GCLM: variants seen among roughly 807,000 people sequenced by gnomAD.
The protein encoded by GCLM is glutamate--cysteine ligase regulatory subunit.
A neutral mutation model predicts 36.0 loss-of-function variants in GCLM; 15 were observed. The ratio of observed to expected loss-of-function variants is 0.42; its 90% CI spans 0.28 to 0.64. GCLM has a LOEUF of 0.64. GCLM is among the 30% of genes least tolerant of loss of function. The pLI is 0.25. For missense variants in GCLM, 242 were observed against 325.5 expected, an observed-to-expected ratio of 0.74 and a Z score of 1.97; for synonymous variants, 129 against 122.8, an observed-to-expected ratio of 1.05 and a Z score of -0.34.
Position 93,889,230 on chromosome 1 carries a change from G to C in GCLM, c.656-71C>G, listed in dbSNP as rs895810101. 1.4e-5 allele frequency: 14 copies of C among 1,012,756 alleles called. No homozygotes were observed. In the African/African-American group the frequency reaches 2.3e-4, roughly 17 times the overall value. The allele number at this position is 1,012,756 out of a possible 1,614,324, so 62.7% of individuals were successfully genotyped here. A position where few individuals can be genotyped will look rare whatever the true frequency, so the allele number is the denominator to read the frequency against. On this transcript the variant is annotated intron_variant, in intron 6 of 6. Transcript: ENST00000370238. ...AAACAAAAAAGCACTTTAGTATGTA[G>C]GTAAGCATTTAACATAACAAAAGAA...
Position 93,888,969 on chromosome 1 carries a change from T to TA in GCLM, c.*20dup. On this transcript the variant is annotated 3_prime_UTR_variant, in exon 7 of 7. Coordinates refer to ENST00000370238, the MANE Select transcript of GCLM (RefSeq NM_002061.4). The stretch of plus-strand genomic sequence containing the variant: ...CTCTCATATTGAAGGAAATTACAGG[T>TA]AAGTTATGCTCCTAAGTCAGTTAAG... 1 of 1,497,250 alleles carries TA rather than the reference T, an allele frequency of 6.7e-7. No individual in the cohort carries two copies. The highest frequency in any genetic ancestry group is 9.0e-7 in the Non-Finnish European group (1 of 1,115,930). The allele number at this position is 1,497,250 out of a possible 1,614,324, so 92.7% of individuals were successfully genotyped here. A position where few individuals can be genotyped will look rare whatever the true frequency, so the allele number is the denominator to read the frequency against.
chr1:93,906,934 T>G (rs1657164542), intron 1 of GCLM, among the ~76,000 whole-genome samples: 2 of 152,160 alleles, frequency 1.3e-5, no homozygotes, highest in Admixed American at 1.3e-4. Flanking sequence ...ACTATTTGAT[T>G]TCATAAAATT....
chr1:93,901,098 C>G (rs1656931904), intron 3 of GCLM, among the ~76,000 whole-genome samples: 1 of 152,164 alleles, frequency 6.6e-6, no homozygotes, highest in Non-Finnish European at 1.5e-5. Context: ...GAGTATAGTA[C>G]AGTTTCTGGA....
Position 93,897,889 on chromosome 1 carries a change from A to T in GCLM, c.287T>A (p.Phe96Tyr). ...REEMKVSAKL[F>Y]IVESNSSSST... The stretch of plus-strand genomic sequence containing the variant: ...TGATGAAGAGTTTGATTCTACAATG[A>T]ACAGTTTTGCTGGGTAACAAAGAAA... Residue 96 changes from phenylalanine (F) to tyrosine (Y), a missense_variant, in exon 4 of 7, where the codon TTC becomes TAC. Phe to Tyr is a conservative substitution (Grantham distance 22). Transcript: ENST00000370238. The T allele has an allele frequency of 1.3e-6, 2 of 1,547,428 alleles. No individual in the cohort carries two copies. Among genetic ancestry groups the T allele is most frequent in the Non-Finnish European group, 8.7e-7 (1 of 1,155,194 alleles).
intron 3 of GCLM, 72 bp from the exon 4 acceptor site, chr1:93,897,970 T>TA (rs1656794649): frequency 1.6e-6 from 1 of 619,448 alleles, no homozygotes; most frequent in Non-Finnish European, 2.7e-6. Context: ...GTATTAACAC[T>TA]ACTATAATAC....
chr1:93,898,222 TA>T (rs1480846505), intron 3 of GCLM, among the ~76,000 whole-genome samples: 3 of 143,308 alleles, frequency 2.1e-5, no homozygotes, highest in Admixed American at 7.6e-5. Flanking sequence ...ACTTAAACAT[TA>T]ATAGAGCACA....
At chr1:93,902,602 C>T (rs12068345) in intron 2 of GCLM, among the ~76,000 whole-genome samples, 34,909 of 151,918 alleles carry the variant, frequency 0.23, 4,094 homozygotes, top group Non-Finnish European at 0.25. Context: ...ACAGCCTCCC[C>T]CATTATCAAC....
intron 1 of GCLM, among the ~76,000 whole-genome samples, chr1:93,906,557 T>G (rs1222449715): frequency 6.6e-5 from 10 of 152,218 alleles, no homozygotes; most frequent in Admixed American, 6.5e-4. Context: ...TAATTAATCT[T>G]GGATTCTGCA....
intron 6 of GCLM, among the ~76,000 whole-genome samples, chr1:93,894,071 G>C (rs558274352): frequency 6.6e-6 from 1 of 151,974 alleles, no homozygotes; most frequent in South Asian, 2.1e-4. Context: ...CAGCCTGGGT[G>C]ACATGGTGAA....
chr1:93,906,815 C>CATT (rs1298325704), intron 1 of GCLM, among the ~76,000 whole-genome samples: 1 of 152,100 alleles, frequency 6.6e-6, no homozygotes, highest in Non-Finnish European at 1.5e-5. Flanking sequence ...CTTAGCCTAC[C>CATT]ATTAGATCTG....
At chr1:93,908,844 C>G in intron 1 of GCLM, 194 bp downstream of exon 1, 1 of 390,856 alleles carries the variant, frequency 2.6e-6, no homozygotes, top group Non-Finnish European at 4.5e-6. Context: ...TTTTTAGACG[C>G]GTTGCCCTCG....
intron 1 of GCLM, among the ~76,000 whole-genome samples, chr1:93,905,602 T>A (rs1571207833): frequency 1.3e-5 from 2 of 151,796 alleles, no homozygotes; most frequent in Non-Finnish European, 2.9e-5. Context: ...TTTTCTTAGA[T>A]AAACAAAAAA....
In GCLM at chr1:93,885,364, ATAT is replaced by A. The variant is rs1656268236; in HGVS notation, c.*3623_*3625del. 1 of 152,160 alleles carries A rather than the reference ATAT, an allele frequency of 6.6e-6. No individual in the cohort carries two copies. Among genetic ancestry groups the A allele is most frequent in the Non-Finnish European group, 1.5e-5 (1 of 68,010 alleles). The allele number at this position is 152,160 out of a possible 1,614,324, so 9.4% of individuals were successfully genotyped here. A position where few individuals can be genotyped will look rare whatever the true frequency, so the allele number is the denominator to read the frequency against. ...TTTAGTTAAATTCATAATGTAGGTAATATTAAAAATTATTATAAACATTTAATA... is the reference window on the plus strand; with the variant it reads ...TTTAGTTAAATTCATAATGTAGGTAATAAAAATTATTATAAACATTTAATA... On this transcript the variant is annotated 3_prime_UTR_variant, in exon 7 of 7. Coordinates refer to ENST00000370238, the MANE Select transcript of GCLM (RefSeq NM_002061.4).
In GCLM at chr1:93,888,024, G is replaced by A. The variant is rs997202465; in HGVS notation, c.*966C>T. The A allele has an allele frequency of 6.6e-6, 1 of 152,056 alleles. No homozygotes were observed. The highest frequency in any genetic ancestry group is 1.5e-5 in the Non-Finnish European group (1 of 67,992). The allele number at this position is 152,056 out of a possible 1,614,324, so 9.4% of individuals were successfully genotyped here. A position where few individuals can be genotyped will look rare whatever the true frequency, so the allele number is the denominator to read the frequency against. ...TGTTTAAGTAGATAATGTCGGCCCT[G>A]AATTAAGGATTTTTTTTTCATCCCC... On this transcript the variant is annotated 3_prime_UTR_variant, in exon 7 of 7. Coordinates refer to ENST00000370238, the MANE Select transcript of GCLM (RefSeq NM_002061.4).
intron 5 of GCLM, 148 bp from the exon 6 acceptor site, chr1:93,894,876 T>C: frequency 1.7e-6 from 1 of 576,052 alleles, no homozygotes. Flanking sequence ...ACTTTTACAT[T>C]AATATCTTTA....
chr1:93,904,622 A>G (rs1339118534), intron 1 of GCLM, 34 bp from the exon 2 acceptor site: 6 of 1,333,582 alleles, frequency 4.5e-6, no homozygotes, highest in African/African-American at 4.3e-5. Flanking sequence ...ACTGTTAATC[A>G]AAGTCTATAT....
Position 93,888,187 on chromosome 1 carries a change from A to G in GCLM, c.*803T>C, listed in dbSNP as rs574029618. ...CACAGTATCCCAACATATGGTAAAT[A>G]CTCAATACTTATTGAGGATTCTTGA... is the stretch of plus-strand genomic sequence containing the variant. On this transcript the variant is annotated 3_prime_UTR_variant, in exon 7 of 7. Coordinates refer to ENST00000370238, the MANE Select transcript of GCLM (RefSeq NM_002061.4). 2.8e-4 allele frequency: 42 copies of G among 152,256 alleles called. No homozygotes were observed. Among genetic ancestry groups the G allele is most frequent in the African/African-American group, 9.6e-4 (40 of 41,558 alleles). The allele number at this position is 152,256 out of a possible 1,614,324, so 9.4% of individuals were successfully genotyped here.
chr1:93,894,497 A>G, intron 6 of GCLM, 117 bp downstream of exon 6: 1 of 601,296 alleles, frequency 1.7e-6, no homozygotes, highest in Non-Finnish European at 3.0e-6. Flanking sequence ...CATTAAGAAT[A>G]GTTCAGATAA....
chr1:93,896,565 G>T, intron 5 of GCLM, 53 bp downstream of exon 5: 1 of 1,403,168 alleles, frequency 7.1e-7, no homozygotes, highest in Non-Finnish European at 1.0e-6. Context: ...GTGCAGCAAA[G>T]ACTGAAAAGG....
Sources: gnomAD v4.1 joint callset for allele counts (sites outside exome capture counted in the v4.1 genomes callset) on GRCh38, gnomAD v4.1.1 for gene constraint, MANE v1.5 for transcripts, NCBI Gene and HGNC (gene_info 2026-07-23, HGNC 2026-07-21) for gene names.